OR51B5: variants seen among roughly 807,000 people sequenced by gnomAD.
OR51B5 encodes olfactory receptor family 51 subfamily B member 5, also known as olfactory receptor 51B5.
For synonymous variants in OR51B5, 186 were observed against 144.8 expected (o/e 1.28, Z -2.04); for missense variants, 456 against 374.6 (o/e 1.22, Z -1.79).
chr11:5,410,961 CA>C (rs1453986205), intron 1 of OR51B5, among the ~76,000 whole-genome samples: 3 of 151,792 alleles, frequency 2.0e-5, no homozygotes, highest in Non-Finnish European at 4.4e-5. Context: ...ACAAAACAGT[CA>C]AAAAGTTAAA....
chr11:5,368,965 A>G (rs1183037806), intron 1 of OR51B5, among the ~76,000 whole-genome samples: 1 of 152,150 alleles, frequency 6.6e-6, no homozygotes, highest in Non-Finnish European at 1.5e-5. Context: ...ATTACACCCA[A>G]GAAGCCTAAA....
intron 1 of OR51B5, among the ~76,000 whole-genome samples, chr11:5,423,765 T>C (rs904494271): frequency 1.3e-5 from 2 of 152,168 alleles, no homozygotes; most frequent in African/African-American, 2.4e-5. Flanking sequence ...TAATAAACAC[T>C]CAGCAAGCAA....
intron 1 of OR51B5, among the ~76,000 whole-genome samples, chr11:5,487,729 C>T (rs994443818): frequency 4.6e-5 from 7 of 152,250 alleles, no homozygotes; most frequent in African/African-American, 1.7e-4. Flanking sequence ...ATATCTGTCT[C>T]TAATAGCACT....
intron 1 of OR51B5, among the ~76,000 whole-genome samples, chr11:5,458,249 G>A (rs1182342235): frequency 6.6e-6 from 1 of 152,118 alleles, no homozygotes. Flanking sequence ...CCTTGTTATT[G>A]TTGACTTTGT....
chr11:5,479,092 T>C (rs1360163978), intron 1 of OR51B5, among the ~76,000 whole-genome samples: 2 of 150,284 alleles, frequency 1.3e-5, no homozygotes, highest in African/African-American at 2.5e-5. Context: ...AAGGAAAAAA[T>C]GTTAAGGGCA....
At chr11:5,469,921 A>T (rs1225163898) in intron 1 of OR51B5, among the ~76,000 whole-genome samples, 2 of 151,994 alleles carry the variant, frequency 1.3e-5, no homozygotes, top group African/African-American at 2.4e-5. Flanking sequence ...TCTTGCCTAT[A>T]CTCAAGCATT....
chr11:5,416,686 A>C (rs10838075), intron 1 of OR51B5, among the ~76,000 whole-genome samples: 109,315 of 134,554 alleles, frequency 0.81, 45,371 homozygotes, highest in Non-Finnish European at 0.89. Context: ...AATTGCTTCA[A>C]AGAGAATAAA....
rs191254193 is a variant in OR51B5 at position 5,387,526 on chromosome 11, C to A, written n.85-40616G>T. Reference sequence around the variant, plus strand: ...CAGCACCTCTGCTCTCAACTCGAAGCTCACAAGTATAATAAAATTCAAAGT... The same window carrying A: ...CAGCACCTCTGCTCTCAACTCGAAGATCACAAGTATAATAAAATTCAAAGT... On this transcript the variant is annotated intron_variant and non_coding_transcript_variant, in intron 1 of 4. Transcript: ENST00000415970. Among the ~76,000 whole-genome samples, 1,025 of 151,998 alleles carry A rather than the reference C, an allele frequency of 6.7e-3. 58 individuals carry two copies. The highest frequency in any genetic ancestry group is 0.065 in the Admixed American group (990 of 15,282).
chr11:5,344,349 TTATTTTTC>T (rs1848956325), upstream of OR51B5, among the ~76,000 whole-genome samples: 1 of 152,232 alleles, frequency 6.6e-6, no homozygotes, highest in South Asian at 2.1e-4. Flanking sequence ...TCTTTTTAAA[TTATTTTTC>T]TATAGGCCTA....
In OR51B5 at chr11:5,373,711, G is replaced by A. The variant is rs535146153; in HGVS notation, n.85-26801C>T. Among the ~76,000 whole-genome samples the A allele has an allele frequency of 3.7e-3, 559 of 152,290 alleles. 3 individuals carry two copies. Among genetic ancestry groups the A allele is most frequent in the Non-Finnish European group, 5.5e-3 (371 of 68,028 alleles). On this transcript the variant is annotated intron_variant and non_coding_transcript_variant, in intron 1 of 4. Transcript: ENST00000415970. Reference sequence around the variant, plus strand: ...ATGGCTCCGAGGGTCCTACGCCCACGGAGTCTCCCTGATTGCTAGCACAGC... The same window carrying A: ...ATGGCTCCGAGGGTCCTACGCCCACAGAGTCTCCCTGATTGCTAGCACAGC...
At chr11:5,446,619 T>C (rs1850767441) in intron 1 of OR51B5, among the ~76,000 whole-genome samples, 1 of 152,218 alleles carries the variant, frequency 6.6e-6, no homozygotes, top group Non-Finnish European at 1.5e-5. Flanking sequence ...TTGATATTTT[T>C]ATATGACTAA....
upstream of OR51B5, among the ~76,000 whole-genome samples, chr11:5,346,519 G>A (rs1043039300): frequency 1.3e-4 from 19 of 151,986 alleles, no homozygotes; most frequent in Non-Finnish European, 2.6e-4. Context: ...TCTCTGCTTT[G>A]TTTAAAAAGT....
intron 1 of OR51B5, among the ~76,000 whole-genome samples, chr11:5,451,113 C>T (rs12278135): frequency 0.26 from 38,853 of 152,130 alleles, 5,623 homozygotes; most frequent in East Asian, 0.43. Flanking sequence ...ATATCACATG[C>T]GTTCAATAAG....
intron 1 of OR51B5, among the ~76,000 whole-genome samples, chr11:5,484,235 T>C (rs1471995196): frequency 2.6e-5 from 4 of 152,140 alleles, no homozygotes; most frequent in African/African-American, 7.2e-5. Flanking sequence ...CACAGGATCC[T>C]GCAACAAGTT....
At chr11:5,449,003 T>C (rs1850807795) in intron 1 of OR51B5, among the ~76,000 whole-genome samples, 1 of 152,214 alleles carries the variant, frequency 6.6e-6, no homozygotes, top group Middle Eastern at 3.2e-3. Flanking sequence ...CACTTTCTGA[T>C]TGCACCTCAA....
chr11:5,497,680 G>A (rs368246), intron 1 of OR51B5, among the ~76,000 whole-genome samples: 150,371 of 152,270 alleles, frequency 0.99, 74,278 homozygotes, highest in East Asian at 1. Flanking sequence ...TTTTTCTCTT[G>A]TCAGTCAAAG....
exon 1 of OR51B5, chr11:5,343,320 G>C (rs1848934516): frequency 1.4e-6 from 2 of 1,455,966 alleles, no homozygotes; most frequent in South Asian, 2.3e-5. Flanking sequence ...GCCAGCCCCA[G>C]GTCTGTGGCA....
chr11:5,377,270 C>A (rs1468854791), intron 1 of OR51B5, among the ~76,000 whole-genome samples: 1 of 152,082 alleles, frequency 6.6e-6, no homozygotes, highest in Non-Finnish European at 1.5e-5. Context: ...ACCCTTCATG[C>A]TAAAAACTTT....
chr11:5,499,253 A>T (rs1360572186), intron 1 of OR51B5, among the ~76,000 whole-genome samples: 1 of 20,736 alleles, frequency 4.8e-5, no homozygotes, highest in Non-Finnish European at 1.2e-4. Flanking sequence ...AATAGCATTT[A>T]AATTGTTAAG....
Sources: allele counts gnomAD v4.1 joint callset (sites outside exome capture counted in the v4.1 genomes callset), GRCh38; gene constraint gnomAD v4.1.1; transcripts MANE v1.5; gene names NCBI Gene and HGNC (gene_info 2026-07-23, HGNC 2026-07-21).